The following DNAH6 variants were observed in gnomAD, a reference collection of about 807,000 sequenced individuals.
DNAH6 encodes axonemal beta dynein heavy chain 6.
DNAH6 carries 340 observed loss-of-function variants against 491.4 expected under a neutral mutation model. The observed-to-expected ratio is 0.69, with a 90% confidence interval of 0.63 to 0.76. The LOEUF (loss-of-function observed/expected upper bound fraction) is 0.76, where lower values mean the gene tolerates loss of function less well. DNAH6 is among the 30% of genes least tolerant of loss of function. The pLI is 0.00. For synonymous variants in DNAH6, 1,603 were observed against 1,686.1 expected, an observed-to-expected ratio of 0.95 and a Z score of 1.21; for missense variants, 4,443 against 4,972.2, an observed-to-expected ratio of 0.89 and a Z score of 3.20.
intron 63 of DNAH6, among the ~76,000 whole-genome samples, chr2:84,746,552 G>A (rs149062852): frequency 8.8e-4 from 134 of 152,248 alleles, no homozygotes; most frequent in Non-Finnish European, 1.5e-3. Flanking sequence ...ATCTGCTAAG[G>A]ATTTGATTGG....
intron 29 of DNAH6, among the ~76,000 whole-genome samples, chr2:84,626,338 T>C (rs781605085): frequency 3.3e-5 from 5 of 152,222 alleles, no homozygotes; most frequent in Non-Finnish European, 5.9e-5. Flanking sequence ...TGTCAAGTTT[T>C]ATAAAATTTG....
the DNAH6 span, among the ~76,000 whole-genome samples, chr2:84,476,709 A>C: frequency 2.0e-5 from 3 of 152,140 alleles, no homozygotes; most frequent in Admixed American, 2.0e-4. Context: ...AATCTCTGCC[A>C]ATTCTCTCCC....
At chr2:84,724,793 G>T (rs1192332) in intron 60 of DNAH6, among the ~76,000 whole-genome samples, 1 of 151,966 alleles carries the variant, frequency 6.6e-6, no homozygotes, top group African/African-American at 2.4e-5. Flanking sequence ...CAAAGTAAAC[G>T]TTCAAAGAAA....
At chr2:84,712,989 T>A (rs1223237857) in intron 56 of DNAH6, 106 bp from the exon 57 acceptor site, 2 of 933,784 alleles carry the variant, frequency 2.1e-6, no homozygotes, top group Non-Finnish European at 3.2e-6. Flanking sequence ...CACTGGAAAA[T>A]TATTCATTCA....
Position 84,601,014 on chromosome 2 carries a change from T to A in DNAH6, c.2869-3325T>A, listed in dbSNP as rs567580253. ...ATAATAATAATATACTATAATAATATTATAATAATAATGTTATTATTATAC... is the reference window on the plus strand; with the variant it reads ...ATAATAATAATATACTATAATAATAATATAATAATAATGTTATTATTATAC... On this transcript the variant is annotated intron_variant, in intron 18 of 76. Transcript: ENST00000389394. Among the ~76,000 whole-genome samples, 31 of 133,402 alleles carry A rather than the reference T, an allele frequency of 2.3e-4. 2 individuals carry two copies. Among genetic ancestry groups the A allele is most frequent in the African/African-American group, 1.1e-3 (30 of 27,804 alleles). 87.5% of individuals were successfully genotyped at this position (133,402 alleles called of 152,430 possible).
At chr2:84,645,053 C>T (rs1689765280) in intron 33 of DNAH6, among the ~76,000 whole-genome samples, 3 of 152,166 alleles carry the variant, frequency 2.0e-5, no homozygotes, top group Non-Finnish European at 4.4e-5. Flanking sequence ...TTTACACTCC[C>T]ACCAACAGTG....
At chr2:84,767,440 C>T (rs1346285927) in intron 64 of DNAH6, among the ~76,000 whole-genome samples, 3 of 152,074 alleles carry the variant, frequency 2.0e-5, no homozygotes, top group Admixed American at 2.0e-4. Context: ...GTAAGAGGAT[C>T]ACCTGAGCCC....
intron 9 of DNAH6, among the ~76,000 whole-genome samples, 168 bp from the exon 10 acceptor site, chr2:84,552,750 G>C (rs1679523279): frequency 6.6e-6 from 1 of 151,984 alleles, no homozygotes; most frequent in Admixed American, 6.6e-5. Flanking sequence ...TTCAATATTT[G>C]CCTTTTTTTC....
At chr2:84,710,261 G>A in intron 55 of DNAH6, 26 bp from the exon 56 acceptor site, 1 of 1,549,552 alleles carries the variant, frequency 6.5e-7, no homozygotes, top group Non-Finnish European at 8.7e-7. Context: ...TGAAGCAAAT[G>A]TTCTGCTCTG....
At chr2:84,530,552 G>A (rs1249996112) in intron 4 of DNAH6, among the ~76,000 whole-genome samples, 4 of 152,128 alleles carry the variant, frequency 2.6e-5, no homozygotes, top group Admixed American at 2.6e-4. Flanking sequence ...GAGAACCATG[G>A]AAGGATTTTG....
intron 64 of DNAH6, among the ~76,000 whole-genome samples, chr2:84,770,931 A>G (rs952975519): frequency 6.6e-6 from 1 of 151,980 alleles, no homozygotes; most frequent in African/African-American, 2.4e-5. Flanking sequence ...TTGAGGTTCC[A>G]GTGATCTAAG....
At position 84,709,451 on chromosome 2, in the gene DNAH6, A is replaced by G. The variant is rs1395074802; in HGVS notation, c.9157A>G (p.Thr3053Ala). 1.9e-6 allele frequency: 3 copies of G among 1,551,614 alleles called. No homozygotes were observed. Among genetic ancestry groups the G allele is most frequent in the Non-Finnish European group, 2.6e-6 (3 of 1,147,024 alleles). Residue 3053 changes from threonine (T) to alanine (A), a missense_variant, in exon 55 of 77, where the codon ACT (threonine) becomes GCT (alanine). Thr to Ala is a moderately conservative substitution (Grantham distance 58). Transcript: ENST00000389394. Reference protein sequence around the residue: ...GDPYEIRQWNTDGLPRDLIST... With the variant: ...GDPYEIRQWNADGLPRDLIST... ...TCCCTACGAGATACGGCAGTGGAAC[A>G]CTGATGGGCTGCCCCGTGACTTGAT...
At chr2:84,608,825 A>G (rs543622371) in intron 21 of DNAH6, among the ~76,000 whole-genome samples, 1 of 152,344 alleles carries the variant, frequency 6.6e-6, no homozygotes, top group South Asian at 2.1e-4. Flanking sequence ...GCATTGGCTA[A>G]TCTTCATTAG....
chr2:84,774,076 C>T (rs1049709759), intron 64 of DNAH6, among the ~76,000 whole-genome samples: 1 of 151,950 alleles, frequency 6.6e-6, no homozygotes, highest in East Asian at 1.9e-4. Flanking sequence ...AATTTGGTCC[C>T]ATATATCAAT....
chr2:84,781,192 G>A (rs1676657821), intron 64 of DNAH6, among the ~76,000 whole-genome samples: 1 of 152,172 alleles, frequency 6.6e-6, no homozygotes, highest in Admixed American at 6.5e-5. Flanking sequence ...AATCATTGCG[G>A]TGGAGAGAGG....
intron 11 of DNAH6, among the ~76,000 whole-genome samples, chr2:84,570,424 T>C (rs887199930): frequency 6.6e-6 from 1 of 152,098 alleles, no homozygotes; most frequent in Non-Finnish European, 1.5e-5. Flanking sequence ...CAATCAGCAC[T>C]CTGTGTCTAG....
intron 19 of DNAH6, among the ~76,000 whole-genome samples, chr2:84,604,848 A>C (rs1573190061): frequency 6.6e-6 from 1 of 152,294 alleles, no homozygotes; most frequent in Non-Finnish European, 1.5e-5. Context: ...GTTATCTTCC[A>C]AGCTACCAGA....
At chr2:84,778,089 G>C in intron 64 of DNAH6, 2 of 835,284 alleles carry the variant, frequency 2.4e-6, no homozygotes, top group Non-Finnish European at 4.2e-6. Context: ...TTATCTTCCA[G>C]TTAAACTGCC....
At chr2:84,665,335 A>G (rs1691991832) in intron 37 of DNAH6, among the ~76,000 whole-genome samples, 1 of 152,198 alleles carries the variant, frequency 6.6e-6, no homozygotes, top group Non-Finnish European at 1.5e-5. Flanking sequence ...AAGATCAACA[A>G]AATTGATAGA....
Sources: allele counts gnomAD v4.1 joint callset (sites outside exome capture counted in the v4.1 genomes callset), GRCh38; gene constraint gnomAD v4.1.1; transcripts MANE v1.5; gene names NCBI Gene and HGNC (gene_info 2026-07-23, HGNC 2026-07-21).